Variants in PCDH15 observed in about 807,000 individuals in gnomAD.
The protein encoded by PCDH15 is protocadherin related 15.
Under a neutral mutation model 178.5 loss-of-function variants are expected in PCDH15, and 129 were observed. The ratio of observed to expected loss-of-function variants is 0.72; its 90% CI spans 0.63 to 0.84. The LOEUF (loss-of-function observed/expected upper bound fraction) is 0.84. Ranked by LOEUF, PCDH15 falls within the 40% of genes least tolerant of loss-of-function variation. PCDH15 has a pLI of 0.00. For synonymous variants in PCDH15, 800 were observed against 732.0 expected (o/e 1.09, Z -1.50); for missense variants, 2,230 against 2,099.9 (o/e 1.06, Z -1.21).
At chr10:55,061,331 G>T (rs973751496) in intron 2 of PCDH15, among the ~76,000 whole-genome samples, 1 of 152,018 alleles carries the variant, frequency 6.6e-6, no homozygotes, top group Non-Finnish European at 1.5e-5. Flanking sequence ...ATATCACAAA[G>T]GAAATGCAAA....
chr10:54,890,102 G>A (rs538855012), intron 3 of PCDH15, among the ~76,000 whole-genome samples: 1 of 152,080 alleles, frequency 6.6e-6, no homozygotes, highest in Admixed American at 6.6e-5. Flanking sequence ...GATCAACTGT[G>A]TCTTTGGCTT....
In PCDH15 at chr10:54,839,970, T is replaced by C. The variant is rs73256011; in HGVS notation, c.-29+57480A>G. ...AAACATCCTCAGACCAAACACACTA[T>C]CAAACAAACAAAAAAAACACACATG... On this transcript the variant is annotated intron_variant, in intron 3 of 5. Transcript: ENST00000458638. 3.7e-3 allele frequency among the ~76,000 whole-genome samples: 563 copies of C among 151,756 alleles called. 1 individual carries two copies. The highest frequency in any genetic ancestry group is 0.013 in the African/African-American group (541 of 41,418).
At chr10:54,804,070 T>C (rs1365495398), upstream of PCDH15, among the ~76,000 whole-genome samples, 1 of 152,176 alleles carries the variant, frequency 6.6e-6, no homozygotes, top group African/African-American at 2.4e-5. Context: ...GATGGAGTCT[T>C]GCTCTTTCGC....
chr10:55,412,516 C>A (rs1198130597), intron 2 of PCDH15, among the ~76,000 whole-genome samples: 1 of 151,786 alleles, frequency 6.6e-6, no homozygotes, highest in African/African-American at 2.4e-5. Flanking sequence ...AAAAGGAAGA[C>A]TGGTTTCAAA....
chr10:54,722,114 A>G (rs889429550), intron 1 of PCDH15, among the ~76,000 whole-genome samples: 15 of 151,898 alleles, frequency 9.9e-5, no homozygotes, highest in Non-Finnish European at 1.9e-4. Flanking sequence ...AAAATAGAAA[A>G]AACATATGAT....
At chr10:54,876,918 G>C (rs1954155282) in intron 3 of PCDH15, among the ~76,000 whole-genome samples, 1 of 152,118 alleles carries the variant, frequency 6.6e-6, no homozygotes, top group Non-Finnish European at 1.5e-5. Context: ...TCCTGTTTTG[G>C]TTAAAATGCT....
chr10:55,068,957 G>A (rs926364998), intron 2 of PCDH15, among the ~76,000 whole-genome samples: 2 of 152,016 alleles, frequency 1.3e-5, no homozygotes, highest in Non-Finnish European at 2.9e-5. Flanking sequence ...GAGTGCAGTG[G>A]TGCAGTCTGG....
chr10:54,779,729 A>C (rs1325423063), intron 1 of PCDH15, among the ~76,000 whole-genome samples: 1 of 151,660 alleles, frequency 6.6e-6, no homozygotes, highest in Non-Finnish European at 1.5e-5. Context: ...ACAATGACAC[A>C]AGAATGAGAA....
chr10:54,376,248 G>C (rs1192119090), intron 4 of PCDH15, among the ~76,000 whole-genome samples: 1 of 151,514 alleles, frequency 6.6e-6, no homozygotes, highest in African/African-American at 2.4e-5. Flanking sequence ...AAAAAACTTT[G>C]GGCAACAATC....
intron 3 of PCDH15, among the ~76,000 whole-genome samples, chr10:54,859,549 T>TAA (rs1395709189): frequency 6.6e-6 from 1 of 152,022 alleles, no homozygotes; most frequent in Non-Finnish European, 1.5e-5. Context: ...TACTGCTTTA[T>TAA]AGCTCATCTC....
intron 3 of PCDH15, among the ~76,000 whole-genome samples, chr10:54,861,139 G>C (rs1327106681): frequency 6.6e-6 from 1 of 151,960 alleles, no homozygotes; most frequent in African/African-American, 2.4e-5. Context: ...TTGAAATTCA[G>C]TCTCCCTTGT....
At chr10:55,525,174 G>A (rs1841276191) in intron 2 of PCDH15, among the ~76,000 whole-genome samples, 1 of 151,750 alleles carries the variant, frequency 6.6e-6, no homozygotes, top group South Asian at 2.1e-4. Flanking sequence ...AAACAGAAAG[G>A]TATAGGCAAG....
intron 3 of PCDH15, among the ~76,000 whole-genome samples, chr10:54,404,187 C>T (rs890496704): frequency 2.0e-5 from 3 of 150,888 alleles, no homozygotes; most frequent in African/African-American, 7.3e-5. Flanking sequence ...AATATTCAGG[C>T]CCCAAAAAAG....
chr10:55,575,291 C>T (rs1292637503), intron 2 of PCDH15, among the ~76,000 whole-genome samples: 1 of 151,932 alleles, frequency 6.6e-6, no homozygotes, highest in Non-Finnish European at 1.5e-5. Context: ...GACTTAAGGC[C>T]CATCCTTACA....
At chr10:53,981,292 C>T (rs7922347) in intron 21 of PCDH15, among the ~76,000 whole-genome samples, 12,116 of 152,078 alleles carry the variant, frequency 0.08, 1,069 homozygotes, top group African/African-American at 0.22. Context: ...CAATATGTTT[C>T]GACTTAGTTA....
At chr10:54,346,242 A>T (rs1257386782) in intron 6 of PCDH15, 123 bp downstream of exon 6, 1 of 904,722 alleles carries the variant, frequency 1.1e-6, no homozygotes, top group Admixed American at 2.7e-5. Context: ...GACATTTTTA[A>T]ATAATAGTAT....
At chr10:54,132,593 A>G (rs1325985381) in intron 15 of PCDH15, among the ~76,000 whole-genome samples, 2 of 152,178 alleles carry the variant, frequency 1.3e-5, no homozygotes, top group Non-Finnish European at 2.9e-5. Flanking sequence ...ATATTCAAGT[A>G]TGTGTTTCCA....
chr10:54,029,003 A>C (rs2135400300), intron 18 of PCDH15, among the ~76,000 whole-genome samples: 1 of 152,304 alleles, frequency 6.6e-6, no homozygotes, highest in Middle Eastern at 3.4e-3. Context: ...GGTGACTGAG[A>C]CACACATCTA....
intron 11 of PCDH15, 45 bp downstream of exon 11, chr10:54,195,638 T>C (rs1034558719): frequency 2.7e-6 from 4 of 1,475,846 alleles, no homozygotes; most frequent in Admixed American, 1.7e-5. Context: ...AATGGAAATA[T>C]GAGATTTGTT....
Sources: allele counts gnomAD v4.1 joint callset (sites outside exome capture counted in the v4.1 genomes callset), GRCh38; gene constraint gnomAD v4.1.1; transcripts MANE v1.5; gene names NCBI Gene and HGNC (gene_info 2026-07-23, HGNC 2026-07-21).